GRIK2: variants seen among roughly 807,000 people sequenced by gnomAD.
GRIK2 encodes the protein glutamate receptor ionotropic, kainate 2.
In GRIK2, 32 loss-of-function variants were observed where a neutral mutation model predicts 100.3. The observed-to-expected ratio is 0.32, with a 90% confidence interval of 0.24 to 0.43. The LOEUF (loss-of-function observed/expected upper bound fraction) is 0.43, where lower values mean the gene tolerates loss of function less well. Ranked by LOEUF, GRIK2 falls within the 20% of genes least tolerant of loss-of-function variation. GRIK2 has a pLI of 1.00. For synonymous variants in GRIK2, 417 were observed against 389.4 expected (o/e 1.07, Z -0.83); for missense variants, 843 against 1,114.9 (o/e 0.76, Z 3.47).
intron 4 of GRIK2, among the ~76,000 whole-genome samples, chr6:101,663,214 C>G (rs1291252270): frequency 2.0e-5 from 3 of 152,078 alleles, no homozygotes; most frequent in African/African-American, 7.2e-5. Flanking sequence ...TGGGACATAG[C>G]CAGAATAAGA....
intron 7 of GRIK2, among the ~76,000 whole-genome samples, chr6:101,722,835 C>G (rs1022719705): frequency 6.6e-6 from 1 of 151,966 alleles, no homozygotes; most frequent in Non-Finnish European, 1.5e-5. Context: ...CCAAAGCTGA[C>G]AGAAGAAACA....
At chr6:101,867,532 T>A (rs1785127515) in intron 11 of GRIK2, among the ~76,000 whole-genome samples, 1 of 151,786 alleles carries the variant, frequency 6.6e-6, no homozygotes, top group Admixed American at 6.6e-5. Flanking sequence ...TATACTAGAT[T>A]ATGATTCATT....
At chr6:101,434,006 G>A (rs1368852558) in intron 2 of GRIK2, among the ~76,000 whole-genome samples, 1 of 152,196 alleles carries the variant, frequency 6.6e-6, no homozygotes, top group Non-Finnish European at 1.5e-5. Context: ...ACTGCAACGA[G>A]GTGGCCCCAA....
chr6:101,805,400 T>A (rs987775624), intron 9 of GRIK2, among the ~76,000 whole-genome samples: 3 of 151,868 alleles, frequency 2.0e-5, no homozygotes, highest in African/African-American at 2.4e-5. Flanking sequence ...AACCCGGAAG[T>A]ACCATCTTGA....
chr6:101,988,132 T>TGTGTGTGCGC (rs1231517176), intron 14 of GRIK2, among the ~76,000 whole-genome samples: 2 of 29,552 alleles, frequency 6.8e-5, no homozygotes, highest in African/African-American at 1.0e-4. Flanking sequence ...TGTGTGTGTG[T>TGTGTGTGCGC]GCGCGCGCGC....
chr6:101,664,780 A>G (rs1345373019), intron 4 of GRIK2, among the ~76,000 whole-genome samples: 4 of 152,178 alleles, frequency 2.6e-5, no homozygotes, highest in Admixed American at 6.6e-5. Context: ...CTCACAGATG[A>G]CTGGGGAGGC....
At chr6:101,492,725 T>C (rs1773201550) in intron 2 of GRIK2, among the ~76,000 whole-genome samples, 1 of 151,986 alleles carries the variant, frequency 6.6e-6, no homozygotes. Context: ...ATAACTTTAC[T>C]GGTGACATGA....
At chr6:101,796,270 G>A (rs1780298107) in intron 7 of GRIK2, among the ~76,000 whole-genome samples, 1 of 152,164 alleles carries the variant, frequency 6.6e-6, no homozygotes, top group Non-Finnish European at 1.5e-5. Context: ...TTAATTTAAG[G>A]AGAGTGCCTC....
chr6:101,665,371 A>T (rs539709633), intron 4 of GRIK2, among the ~76,000 whole-genome samples: 45 of 152,348 alleles, frequency 3.0e-4, no homozygotes, highest in Non-Finnish European at 5.6e-4. Flanking sequence ...GGTTGTTTGG[A>T]ATCACAGTAA....
chr6:101,675,294 GACACACACACACC>G (rs902829617), intron 4 of GRIK2, among the ~76,000 whole-genome samples: 5 of 106,718 alleles, frequency 4.7e-5, no homozygotes, highest in Admixed American at 1.0e-4. Flanking sequence ...CGCACACGCA[GACACACACACACC>G]ACACACACAC....
chr6:102,024,435 G>C (rs1769586226), intron 14 of GRIK2, among the ~76,000 whole-genome samples: 1 of 151,250 alleles, frequency 6.6e-6, no homozygotes, highest in Admixed American at 6.6e-5. Context: ...CTTTTCCAGA[G>C]AGACAACTGT....
At chr6:101,958,783 G>A (rs190160106) in intron 14 of GRIK2, among the ~76,000 whole-genome samples, 1 of 152,090 alleles carries the variant, frequency 6.6e-6, no homozygotes, top group East Asian at 1.9e-4. Context: ...ATTGAGATGA[G>A]CATATGGTTT....
chr6:101,466,247 AG>A (rs1322626556), intron 2 of GRIK2, among the ~76,000 whole-genome samples: 1 of 152,134 alleles, frequency 6.6e-6, no homozygotes, highest in Non-Finnish European at 1.5e-5. Context: ...ACCTCCAAGA[AG>A]CACAGTTATA....
intron 14 of GRIK2, among the ~76,000 whole-genome samples, chr6:101,948,846 G>T (rs1478171822): frequency 6.6e-6 from 1 of 151,990 alleles, no homozygotes; most frequent in Non-Finnish European, 1.5e-5. Context: ...TAAATAAACA[G>T]ATATCAAATT....
chr6:101,434,099 G>C (rs1769579165), intron 2 of GRIK2, among the ~76,000 whole-genome samples: 1 of 152,208 alleles, frequency 6.6e-6, no homozygotes, highest in African/African-American at 2.4e-5. Context: ...GCCATGGGGT[G>C]TTTTAGACAC....
At chr6:102,016,004 A>C (rs1053828298) in intron 14 of GRIK2, among the ~76,000 whole-genome samples, 3 of 152,172 alleles carry the variant, frequency 2.0e-5, no homozygotes, top group Non-Finnish European at 4.4e-5. Context: ...AAAAAATCCA[A>C]AGGGCAGCAA....
chr6:101,676,899 A>T (rs1674515656), intron 5 of GRIK2, 95 bp downstream of exon 5: 1 of 681,334 alleles, frequency 1.5e-6, no homozygotes, highest in Non-Finnish European at 2.4e-6. Flanking sequence ...TTATGCAATC[A>T]GTTATAATAA....
chr6:101,548,810 C>T (rs921488336), intron 2 of GRIK2, among the ~76,000 whole-genome samples: 3 of 152,228 alleles, frequency 2.0e-5, no homozygotes, highest in South Asian at 2.1e-4. Flanking sequence ...GTACAAAAAT[C>T]GTATGAAGTA....
At chr6:101,647,214 C>A (rs1414119675) in intron 4 of GRIK2, among the ~76,000 whole-genome samples, 1 of 151,804 alleles carries the variant, frequency 6.6e-6, no homozygotes, top group African/African-American at 2.4e-5. Context: ...ATGTAAAAAA[C>A]AAAGAGGTAA....
Sources: allele counts gnomAD v4.1 joint callset (sites outside exome capture counted in the v4.1 genomes callset), GRCh38; gene constraint gnomAD v4.1.1; transcripts MANE v1.5; gene names NCBI Gene and HGNC (gene_info 2026-07-23, HGNC 2026-07-21).